MYEF2: variants seen among roughly 807,000 people sequenced by gnomAD.
MYEF2 encodes the protein myelin expression factor 2, also known as myelin gene expression factor 2.
Under a neutral mutation model 75.2 loss-of-function variants are expected in MYEF2, and 37 were observed. The observed-to-expected ratio is 0.49, with a 90% CI of 0.38 to 0.65. The LOEUF is 0.65. Among genes scored for constraint, MYEF2 ranks in the 30% least tolerant of loss-of-function variants. The pLI is 0.00. For synonymous variants in MYEF2, 195 were observed against 241.6 expected (o/e 0.81, Z 1.79); for missense variants, 634 against 771.4 (o/e 0.82, Z 2.11).
At chr15:48,164,986 G>A (rs1180070053) in intron 5 of MYEF2, among the ~76,000 whole-genome samples, 17 of 152,008 alleles carry the variant, frequency 1.1e-4, no homozygotes, top group Non-Finnish European at 8.8e-5. Context: ...ACCTACAATA[G>A]CTCCAAGGTA....
At chr15:48,161,515 C>A (rs2039940759) in intron 5 of MYEF2, among the ~76,000 whole-genome samples, 1 of 151,488 alleles carries the variant, frequency 6.6e-6, no homozygotes, top group Admixed American at 6.6e-5. Context: ...CATCATTTAG[C>A]TAGGCCAAAT....
intron 9 of MYEF2, among the ~76,000 whole-genome samples, chr15:48,155,091 T>C (rs1289694263): frequency 6.6e-6 from 1 of 152,000 alleles, no homozygotes; most frequent in Non-Finnish European, 1.5e-5. Context: ...CCAATACATG[T>C]GAAGAAATTG....
At chr15:48,173,689 A>G (rs1480558499) in intron 1 of MYEF2, among the ~76,000 whole-genome samples, 1 of 152,096 alleles carries the variant, frequency 6.6e-6, no homozygotes, top group Non-Finnish European at 1.5e-5. Flanking sequence ...AATCCACTGC[A>G]TATCTACACA....
chr15:48,168,787 T>A lies in MYEF2; in HGVS notation c.214A>T (p.Thr72Ser), dbSNP rs753922483. The A allele has an allele frequency of 4.3e-6, 7 of 1,613,686 alleles. No individual in the cohort carries two copies. The highest frequency in any genetic ancestry group is 3.3e-5 in the Admixed American group (2 of 59,994). Residue 72 changes from threonine (T) to serine (S), a missense_variant, in exon 2 of 17, where the codon ACA (threonine) becomes TCA (serine). By Grantham distance (58) the Thr-to-Ser change is moderately conservative (BLOSUM62 1). Coordinates refer to ENST00000324324, the MANE Select transcript of MYEF2 (RefSeq NM_016132.5). Reference protein sequence around the residue: ...EEKSDLKEKSTGSKKANRFHP... With the variant: ...EEKSDLKEKSSGSKKANRFHP... ...AATCTATTGGCCTTCTTACTTCCTG[T>A]AGATTTTTCCTTTAAGTCAGATTTC...
At chr15:48,171,632 G>C (rs893643769) in intron 1 of MYEF2, among the ~76,000 whole-genome samples, 14 of 151,840 alleles carry the variant, frequency 9.2e-5, no homozygotes, top group South Asian at 2.1e-4. Context: ...ACTATAAAAG[G>C]CATAACAGTT....
At chr15:48,153,672 C>G (rs1231281508) in intron 10 of MYEF2, 120 bp downstream of exon 10, 1 of 747,822 alleles carries the variant, frequency 1.3e-6, no homozygotes, top group Non-Finnish European at 2.2e-6. Context: ...TGAAGTGACA[C>G]CGTAAATATC....
Position 48,136,470 on chromosome 15 carries a change from A to T in MYEF2, c.*6438T>A. ...TTGTTGATCTTGTTTTTAAAAAAAAAAAAACAACACAGAAGTGTCCAGCTT... is the reference window on the plus strand; with the variant it reads ...TTGTTGATCTTGTTTTTAAAAAAAATAAAACAACACAGAAGTGTCCAGCTT... On this transcript the variant is annotated 3_prime_UTR_variant, in exon 17 of 17. Coordinates refer to ENST00000324324, the MANE Select transcript of MYEF2 (RefSeq NM_016132.5). 2.5e-6 allele frequency: 1 copy of T among 393,386 alleles called. No individual in the cohort carries two copies. Among genetic ancestry groups the T allele is most frequent in the Non-Finnish European group, 4.4e-6 (1 of 227,236 alleles). The allele number at this position is 393,386 out of a possible 1,614,324, so 24.4% of individuals were successfully genotyped here. A position where few individuals can be genotyped will look rare whatever the true frequency, so the allele number is the denominator to read the frequency against.
intron 5 of MYEF2, among the ~76,000 whole-genome samples, chr15:48,163,081 T>C (rs956519649): frequency 6.6e-6 from 1 of 152,124 alleles, no homozygotes; most frequent in African/African-American, 2.4e-5. Flanking sequence ...TGCATCGAAG[T>C]TCCTGAAGGA....
At chr15:48,168,863 A>C (rs1397234435) in intron 1 of MYEF2, 24 bp from the exon 2 acceptor site, 1 of 1,551,396 alleles carries the variant, frequency 6.4e-7, no homozygotes, top group South Asian at 1.1e-5. Flanking sequence ...AAAGTCAAAC[A>C]AACAAAAACC....
In MYEF2 at chr15:48,158,004, G is replaced by A. The variant is rs375164779; in HGVS notation, c.974C>T (p.Pro325Leu). The change falls in exon 9 of 17, where the codon CCA (proline) becomes CTA (leucine). Residue 325 changes from proline to leucine, a missense_variant. Pro to Leu is a moderately conservative substitution (Grantham distance 98, BLOSUM62 -3). Coordinates refer to ENST00000324324, the MANE Select transcript of MYEF2 (RefSeq NM_016132.5). ...TAGCTTTTACTTACGTGGTAATTGT[G>A]GTGTTTTACCATCATGTGAACGGTA... ...EEYRSHDGKT[P>L]QLPRGLGGIG... 68 of 1,612,800 alleles carry A rather than the reference G, an allele frequency of 4.2e-5. No homozygotes were observed. The highest frequency in any genetic ancestry group is 5.3e-5 in the Non-Finnish European group (62 of 1,179,298).
rs1270100197 is a variant in MYEF2 at position 48,135,794 on chromosome 15, C to A, written c.*7114G>T. ...ATACCTGCTATCAAGAAACTTAAAA[C>A]CTAGCCAGAAGCATAATTTCTAAAC... On this transcript the variant is annotated 3_prime_UTR_variant, in exon 17 of 17. Transcript: ENST00000324324. 2 of 152,062 alleles carry A rather than the reference C, an allele frequency of 1.3e-5. No homozygotes were observed. The highest frequency in any genetic ancestry group is 2.9e-5 in the Non-Finnish European group (2 of 68,010). 9.4% of individuals were successfully genotyped at this position (152,062 alleles called of 1,614,324 possible). A position where few individuals can be genotyped will look rare whatever the true frequency, so the allele number is the denominator to read the frequency against.
intron 1 of MYEF2, 97 bp downstream of exon 1, chr15:48,177,980 G>A: frequency 2.0e-6 from 3 of 1,463,868 alleles, no homozygotes; most frequent in Non-Finnish European, 2.8e-6. Flanking sequence ...GGGGTCTGGG[G>A]GTGGTTGTCC....
chr15:48,148,370 A>C (rs2039369107), intron 16 of MYEF2, among the ~76,000 whole-genome samples: 1 of 152,094 alleles, frequency 6.6e-6, no homozygotes, highest in Admixed American at 6.6e-5. Flanking sequence ...GCTCTTTTTT[A>C]AAAGTGATAA....
chr15:48,142,900 G>T lies in MYEF2; in HGVS notation c.*8C>A. 6.3e-7 allele frequency: 1 copy of T among 1,585,890 alleles called. No individual in the cohort carries two copies. Among genetic ancestry groups the T allele is most frequent in the South Asian group, 1.2e-5 (1 of 86,258 alleles). On this transcript the variant is annotated 3_prime_UTR_variant, in exon 17 of 17. Transcript: ENST00000324324. ...CAGATGTAGGAATGTTCCAACCATG[G>T]CTTGAAATTATGCATTACGATCCAA... is the stretch of plus-strand genomic sequence containing the variant.
chr15:48,151,167 A>G lies in MYEF2; in HGVS notation c.1311T>C (p.Ser437=). 3.1e-6 allele frequency: 5 copies of G among 1,608,900 alleles called. No individual in the cohort carries two copies. Among genetic ancestry groups the G allele is most frequent in the Non-Finnish European group, 4.2e-6 (5 of 1,176,724 alleles). The change falls in exon 14 of 17, where the codon AGT becomes AGC. Residue 437 remains serine, a synonymous_variant. Coordinates refer to ENST00000324324, the MANE Select transcript of MYEF2 (RefSeq NM_016132.5). ...TTCCTGCAAACCCTCCAATCATTGC[A>G]CTGCCTAAACAAGGATGGAAAGATA... ...GFGDSFGRLG[S]AMIGGFAGRI...
In MYEF2 at chr15:48,158,792, G is replaced by C. The variant is rs760654040; in HGVS notation, c.848C>G (p.Ala283Gly). 3 of 1,613,500 alleles carry C rather than the reference G, an allele frequency of 1.9e-6. No individual in the cohort carries two copies. Among genetic ancestry groups the C allele is most frequent in the South Asian group, 1.1e-5 (1 of 91,060 alleles). ...ACAAATTGCTTGAACTGCTTCAATTGCTTGCTCAAAAGTGACAGTGCCCAT... is the reference window on the plus strand; with the variant it reads ...ACAAATTGCTTGAACTGCTTCAATTCCTTGCTCAAAAGTGACAGTGCCCAT... Reference protein sequence around the residue: ...RGMGTVTFEQAIEAVQAISMF... With the variant: ...RGMGTVTFEQGIEAVQAISMF... The change falls in exon 7 of 17, where the codon GCA (alanine) becomes GGA (glycine). Residue 283 changes from alanine (A) to glycine (G), a missense_variant. By Grantham distance (60) the Ala-to-Gly change is moderately conservative (BLOSUM62 0). Transcript: ENST00000324324.
intron 5 of MYEF2, among the ~76,000 whole-genome samples, chr15:48,163,238 G>A (rs2040014527): frequency 6.6e-6 from 1 of 152,168 alleles, no homozygotes; most frequent in African/African-American, 2.4e-5. Flanking sequence ...GATGCTTCTT[G>A]AACTATTAAG....
In MYEF2 at chr15:48,148,655, A is replaced by G. The variant is rs1048407768; in HGVS notation, c.1639+377T>C. ...GATAATCCCCTGCACTATACTATAAACAAGGAAATAAATATACCATTTATT... is the reference window on the plus strand; with the variant it reads ...GATAATCCCCTGCACTATACTATAAGCAAGGAAATAAATATACCATTTATT... On this transcript the variant is annotated intron_variant, in intron 16 of 16. Coordinates refer to ENST00000324324, the MANE Select transcript of MYEF2 (RefSeq NM_016132.5). 3.0e-4 allele frequency among the ~76,000 whole-genome samples: 46 copies of G among 152,144 alleles called. 1 individual carries two copies. Among genetic ancestry groups the G allele is most frequent in the South Asian group, 2.1e-4 (1 of 4,824 alleles).
intron 5 of MYEF2, among the ~76,000 whole-genome samples, chr15:48,163,563 C>T (rs1444524794): frequency 6.6e-6 from 1 of 152,150 alleles, no homozygotes; most frequent in African/African-American, 2.4e-5. Context: ...GATGGCTACA[C>T]TAAACAATAG....
Sources: allele counts gnomAD v4.1 joint callset (sites outside exome capture counted in the v4.1 genomes callset), GRCh38; gene constraint gnomAD v4.1.1; transcripts MANE v1.5; gene names NCBI Gene and HGNC (gene_info 2026-07-23, HGNC 2026-07-21).